The following TMEM150C variants were observed in gnomAD, a reference collection of about 807,000 sequenced individuals.
TMEM150C encodes the protein transmembrane protein 150C, also known as tentonin 3.
TMEM150C carries 10 observed loss-of-function variants against 29.9 expected under a neutral mutation model. That is an observed-to-expected ratio of 0.33 (90% CI 0.21 to 0.57). The LOEUF (loss-of-function observed/expected upper bound fraction) is 0.57. TMEM150C is among the 20% of genes least tolerant of loss of function. The pLI, the probability that TMEM150C is intolerant of heterozygous loss-of-function variation, is 0.88. For synonymous variants in TMEM150C, 101 were observed against 112.5 expected, an observed-to-expected ratio of 0.90 and a Z score of 0.64; for missense variants, 251 against 303.6, an observed-to-expected ratio of 0.83 and a Z score of 1.29.
intron 1 of TMEM150C, among the ~76,000 whole-genome samples, chr4:82,561,490 C>G (rs1342763795): frequency 6.6e-6 from 1 of 152,064 alleles, no homozygotes; most frequent in African/African-American, 2.4e-5. Context: ...CGCTTCTCAC[C>G]CGAGTCCACC....
chr4:82,491,460 C>A, intron 6 of TMEM150C: 1 of 690,068 alleles, frequency 1.4e-6, no homozygotes, highest in Non-Finnish European at 2.6e-6. Context: ...CCTGATATAG[C>A]GGGGCAATTT....
chr4:82,522,832 G>T (rs1294200062), intron 1 of TMEM150C, among the ~76,000 whole-genome samples: 1 of 152,146 alleles, frequency 6.6e-6, no homozygotes, highest in Non-Finnish European at 1.5e-5. Flanking sequence ...GGGGATTCTG[G>T]CTAAACCAAC....
intron 1 of TMEM150C, among the ~76,000 whole-genome samples, chr4:82,544,576 C>T (rs1018833284): frequency 6.6e-6 from 1 of 152,058 alleles, no homozygotes; most frequent in Non-Finnish European, 1.5e-5. Context: ...CCCAGGGGTT[C>T]GAGACCAGCC....
chr4:82,518,387 C>T (rs1331773829), intron 1 of TMEM150C, among the ~76,000 whole-genome samples: 3 of 152,134 alleles, frequency 2.0e-5, no homozygotes, highest in Non-Finnish European at 4.4e-5. Context: ...CCAGTGTGCC[C>T]CTCAGCGGCT....
intron 1 of TMEM150C, among the ~76,000 whole-genome samples, chr4:82,552,820 C>G (rs1258649581): frequency 6.6e-6 from 1 of 152,142 alleles, no homozygotes; most frequent in Non-Finnish European, 1.5e-5. Context: ...TCTAAAGTAG[C>G]AACTCATTAA....
At chr4:82,515,563 C>T (rs1724266441) in intron 1 of TMEM150C, among the ~76,000 whole-genome samples, 1 of 151,870 alleles carries the variant, frequency 6.6e-6, no homozygotes, top group Non-Finnish European at 1.5e-5. Context: ...ATGGTGAAAC[C>T]CCGTCTCTAC....
At chr4:82,534,063 G>A (rs1724932703) in intron 1 of TMEM150C, among the ~76,000 whole-genome samples, 1 of 152,086 alleles carries the variant, frequency 6.6e-6, no homozygotes, top group Non-Finnish European at 1.5e-5. Context: ...CAGTTGGTAA[G>A]AAATTGCTAT....
intron 1 of TMEM150C, among the ~76,000 whole-genome samples, chr4:82,508,290 T>A (rs1724004153): frequency 6.6e-6 from 1 of 152,086 alleles, no homozygotes; most frequent in African/African-American, 2.4e-5. Context: ...TATTCCATAC[T>A]CCTAAAATAG....
At chr4:82,562,137 AC>A (rs780371182), upstream of TMEM150C, 68 of 1,262,818 alleles carry the variant, frequency 5.4e-5, no homozygotes, top group East Asian at 5.1e-4. Context: ...GGCTTCTGCC[AC>A]CCCCCCGGGG....
intron 1 of TMEM150C, among the ~76,000 whole-genome samples, chr4:82,519,802 TA>T (rs1724425764): frequency 6.6e-6 from 1 of 152,176 alleles, no homozygotes; most frequent in Non-Finnish European, 1.5e-5. Flanking sequence ...GAGTAACAAC[TA>T]ATAATAAAAT....
At chr4:82,536,596 G>C (rs1375743331) in intron 1 of TMEM150C, among the ~76,000 whole-genome samples, 1 of 152,036 alleles carries the variant, frequency 6.6e-6, no homozygotes, top group Non-Finnish European at 1.5e-5. Flanking sequence ...AGAATGAACA[G>C]CTGAGCATGA....
At chr4:82,489,954 T>C (rs1339446309) in intron 7 of TMEM150C, 107 bp downstream of exon 7, 2 of 1,152,518 alleles carry the variant, frequency 1.7e-6, no homozygotes, top group Non-Finnish European at 2.5e-6. Context: ...GCCTTAAGAT[T>C]CTGAGAAGAT....
chr4:82,552,695 T>C (rs772168417), intron 1 of TMEM150C, among the ~76,000 whole-genome samples: 2 of 152,198 alleles, frequency 1.3e-5, no homozygotes, highest in Non-Finnish European at 2.9e-5. Context: ...TCTGATTTAA[T>C]AGATTTGGGG....
At chr4:82,524,749 C>G (rs1277345486) in intron 1 of TMEM150C, among the ~76,000 whole-genome samples, 1 of 152,138 alleles carries the variant, frequency 6.6e-6, no homozygotes, top group African/African-American at 2.4e-5. Context: ...AATGTAGCAA[C>G]TTTGATAATG....
intron 6 of TMEM150C, chr4:82,494,932 C>T (rs1011168153): frequency 7.1e-6 from 4 of 565,036 alleles, no homozygotes; most frequent in African/African-American, 1.9e-5. Context: ...TCTTTAGCCT[C>T]CTTCATTCTC....
chr4:82,492,207 C>T (rs892074094), intron 6 of TMEM150C, among the ~76,000 whole-genome samples: 1 of 152,182 alleles, frequency 6.6e-6, no homozygotes, highest in Admixed American at 6.5e-5. Flanking sequence ...CCACTCACTG[C>T]AACCTCAGAC....
At chr4:82,495,975 C>T (rs1002306811) in intron 6 of TMEM150C, 93 bp downstream of exon 6, 1 of 1,503,104 alleles carries the variant, frequency 6.7e-7, no homozygotes, top group Middle Eastern at 1.7e-4. Flanking sequence ...ATTATATGGG[C>T]CATATGGTGA....
intron 2 of TMEM150C, among the ~76,000 whole-genome samples, chr4:82,503,771 A>C (rs1723811154): frequency 6.6e-6 from 1 of 152,052 alleles, no homozygotes; most frequent in African/African-American, 2.4e-5. Context: ...AATGGCGTGA[A>C]CCCAGGAGGC....
At chr4:82,495,139 C>T in intron 6 of TMEM150C, 1 of 535,520 alleles carries the variant, frequency 1.9e-6, no homozygotes, top group Non-Finnish European at 3.1e-6. Flanking sequence ...ACATCATCTT[C>T]TTTAGAGACA....
Sources: gnomAD v4.1 joint callset for allele counts (sites outside exome capture counted in the v4.1 genomes callset) on GRCh38, gnomAD v4.1.1 for gene constraint, MANE v1.5 for transcripts, NCBI Gene and HGNC (gene_info 2026-07-23, HGNC 2026-07-21) for gene names.